The following ERICH6B variants were observed in gnomAD, a reference collection of about 807,000 sequenced individuals.
The protein encoded by ERICH6B is glutamate-rich protein 6B.
Under a neutral mutation model 80.0 loss-of-function variants are expected in ERICH6B, and 69 were observed. That is an observed-to-expected ratio of 0.86 (90% CI 0.71 to 1.05). The LOEUF (loss-of-function observed/expected upper bound fraction) is 1.05. ERICH6B is among the 50% of genes least tolerant of loss of function. The probability of loss-of-function intolerance (pLI) is 0.00; values close to 1 mark genes in which losing one functional copy is unlikely to be tolerated. For missense variants in ERICH6B, 754 were observed against 796.1 expected (o/e 0.95, Z 0.64); for synonymous variants, 283 against 291.9 (o/e 0.97, Z 0.31).
At position 45,563,719 on chromosome 13, in the gene ERICH6B, G is replaced by T; in HGVS notation, c.1249+8C>A. 3 of 1,551,940 alleles carry T rather than the reference G, an allele frequency of 1.9e-6. No individual in the cohort carries two copies. Among genetic ancestry groups the T allele is most frequent in the Non-Finnish European group, 2.6e-6 (3 of 1,146,812 alleles). ...GCACGTGGTGGAAAATGGTGGAGTG[G>T]TGCCTACCTTCACGTCTCCTCTTAA... On this transcript the variant is annotated splice_region_variant and intron_variant, in intron 10 of 14. Transcript: ENST00000298738.
intron 2 of ERICH6B, among the ~76,000 whole-genome samples, chr13:45,601,949 T>C (rs1438442791): frequency 6.6e-6 from 1 of 152,224 alleles, no homozygotes; most frequent in Non-Finnish European, 1.5e-5. Flanking sequence ...GGCACTGTTA[T>C]TATTGCACAC....
rs1036684614 is a variant in ERICH6B at position 45,563,547 on chromosome 13, G to A, written c.1249+180C>T. The A allele has an allele frequency of 3.8e-5, 25 of 650,744 alleles. No individual in the cohort carries two copies. The African/African-American group carries it at 4.2e-4, about 11-fold the overall frequency. 40.3% of individuals were successfully genotyped at this position (650,744 alleles called of 1,614,324 possible). On this transcript the variant is annotated intron_variant, in intron 10 of 14. Transcript: ENST00000298738. ...AAGAAAGAAACTCACTGGGGCCCTA[G>A]ACTGTGCCTGCCATGCTCGGTATTT...
intron 7 of ERICH6B, among the ~76,000 whole-genome samples, chr13:45,576,689 C>A (rs1875418740): frequency 6.6e-6 from 1 of 151,982 alleles, no homozygotes; most frequent in African/African-American, 2.4e-5. Context: ...AACTTCCCAT[C>A]ATTTGCGATT....
intron 9 of ERICH6B, 22 bp downstream of exon 9, chr13:45,568,293 C>G (rs1402528225): frequency 6.5e-7 from 1 of 1,527,048 alleles, no homozygotes; most frequent in African/African-American, 1.4e-5. Context: ...TGACCAATCA[C>G]TTGGCCTCAC....
At chr13:45,601,050 C>T (rs1188887673) in intron 2 of ERICH6B, among the ~76,000 whole-genome samples, 1 of 152,152 alleles carries the variant, frequency 6.6e-6, no homozygotes, top group African/African-American at 2.4e-5. Context: ...GCTGGTTTAG[C>T]CTGAATCTCC....
intron 8 of ERICH6B, among the ~76,000 whole-genome samples, chr13:45,568,909 C>A (rs1332178437): frequency 1.3e-5 from 2 of 152,056 alleles, no homozygotes; most frequent in African/African-American, 2.4e-5. Context: ...CAATTATCTT[C>A]TTTTTTCAAA....
chr13:45,596,249 T>C (rs1876362624), intron 3 of ERICH6B, 120 bp downstream of exon 3: 5 of 1,269,234 alleles, frequency 3.9e-6, no homozygotes, highest in African/African-American at 1.5e-5. Flanking sequence ...AGAGTTACCA[T>C]CCTTTGGGAT....
chr13:45,541,333 G>C lies in ERICH6B; in HGVS notation c.*129C>G. ...AAAAATGTTTACTTCAAATCAAGGA[G>C]CCACGACAGGTCCCAAATTACAAAC... On this transcript the variant is annotated 3_prime_UTR_variant, in exon 15 of 15. Transcript: ENST00000298738. 1 of 766,326 alleles carries C rather than the reference G, an allele frequency of 1.3e-6. No individual in the cohort carries two copies. Among genetic ancestry groups the C allele is most frequent in the South Asian group, 1.9e-5 (1 of 52,782 alleles). The allele number at this position is 766,326 out of a possible 1,614,324, so 47.5% of individuals were successfully genotyped here.
chr13:45,574,500 G>T (rs11620508), intron 8 of ERICH6B, among the ~76,000 whole-genome samples: 5,103 of 152,266 alleles, frequency 0.034, 160 homozygotes, highest in South Asian at 0.12. Context: ...TCTCTCTGCA[G>T]GGTGGTGGTG....
chr13:45,544,755 C>A lies in ERICH6B; in HGVS notation c.1872+5G>T. The A allele has an allele frequency of 1.3e-6, 2 of 1,551,546 alleles. No individual in the cohort carries two copies. The highest frequency in any genetic ancestry group is 1.2e-5 in the South Asian group (1 of 84,052). On this transcript the variant is annotated splice_donor_5th_base_variant and intron_variant, in intron 14 of 14. Coordinates refer to ENST00000298738, the MANE Select transcript of ERICH6B (RefSeq NM_182542.3). ...GGTGGAGGGTATGGGGAGTTGTGACCTTACCTTGTACCTGGTGCCCAGGTT... is the reference window on the plus strand; with the variant it reads ...GGTGGAGGGTATGGGGAGTTGTGACATTACCTTGTACCTGGTGCCCAGGTT...
chr13:45,544,734 G>A, intron 14 of ERICH6B, 26 bp downstream of exon 14: 1 of 1,542,762 alleles, frequency 6.5e-7, no homozygotes, highest in African/African-American at 1.4e-5. Flanking sequence ...CCACCTGGTG[G>A]AGGGTATGGG....
intron 9 of ERICH6B, among the ~76,000 whole-genome samples, chr13:45,564,023 C>G (rs1874810068): frequency 6.6e-6 from 1 of 152,192 alleles, no homozygotes; most frequent in Non-Finnish European, 1.5e-5. Flanking sequence ...CCAGGGCATA[C>G]AGCTGAACCC....
rs28621681 is a variant in ERICH6B, at chr13:45,596,789, A to C, written c.217T>G (p.Tyr73Asp). ...EEEEDLEEEE[Y>D]LGKEEYLKEE... ...TTCAAGTATTCTTCTTTCCCCAGAT[A>C]CTCTTCCTCTTCCAGATCCTCTTCC... The change falls in exon 3 of 15, where the codon TAT becomes GAT. Residue 73 changes from tyrosine (Y) to aspartate (D), a missense_variant. Coordinates refer to ENST00000298738, the MANE Select transcript of ERICH6B (RefSeq NM_182542.3). 7.2e-5 allele frequency: 112 copies of C among 1,550,560 alleles called. No homozygotes were observed. Among genetic ancestry groups the C allele is most frequent in the Non-Finnish European group, 9.3e-5 (107 of 1,146,692 alleles).
chr13:45,587,143 G>C lies in ERICH6B; in HGVS notation c.776C>G (p.Thr259Arg). 1 of 1,551,728 alleles carries C rather than the reference G, an allele frequency of 6.4e-7. No individual in the cohort carries two copies. Among genetic ancestry groups the C allele is most frequent in the Non-Finnish European group, 8.7e-7 (1 of 1,146,996 alleles). ...TGTCAGAAGCAACTCAGAAGACTCT[G>C]TGGCAGATTCAGAGACAGGAGAAGG... ...ATPSPVSESA[T>R]ESSELLLTLY... is the part of the protein sequence containing the mutation. Residue 259 changes from threonine to arginine, a missense_variant, in exon 5 of 15, where the codon ACA becomes AGA. Physicochemically the swap from Thr to Arg is moderately conservative, Grantham distance 71. Coordinates refer to ENST00000298738, the MANE Select transcript of ERICH6B (RefSeq NM_182542.3).
chr13:45,600,132 G>A (rs914519838), intron 2 of ERICH6B, among the ~76,000 whole-genome samples: 1 of 152,098 alleles, frequency 6.6e-6, no homozygotes, highest in African/African-American at 2.4e-5. Flanking sequence ...TTGTAAAGGA[G>A]GCCCCTTCAG....
intron 5 of ERICH6B, among the ~76,000 whole-genome samples, chr13:45,585,569 C>A (rs1449005689): frequency 3.3e-5 from 5 of 152,138 alleles, no homozygotes; most frequent in Admixed American, 6.5e-5. Flanking sequence ...ACCATCCCCC[C>A]ACCCCAAGTA....
In ERICH6B at chr13:45,596,913, T is replaced by C. The variant is rs1227711490; in HGVS notation, c.93A>G (p.Lys31=). 8 of 1,551,840 alleles carry C rather than the reference T, an allele frequency of 5.2e-6. No individual in the cohort carries two copies. In the South Asian group the frequency reaches 8.3e-5, roughly 16 times the overall value. ...QYSTQNLPSE[K]EDTEVELDEE... is the part of the protein sequence containing the mutation. ...CATCTAGTTCTACTTCAGTATCCTCTTTCTCTGAAGGCAAGTTCTGTGTGG... is the reference window on the plus strand; with the variant it reads ...CATCTAGTTCTACTTCAGTATCCTCCTTCTCTGAAGGCAAGTTCTGTGTGG... The change falls in exon 3 of 15, where the codon AAA becomes AAG. Residue 31 remains lysine (K), a synonymous_variant. Coordinates refer to ENST00000298738, the MANE Select transcript of ERICH6B (RefSeq NM_182542.3).
chr13:45,569,830 C>G (rs1875077884), intron 8 of ERICH6B, among the ~76,000 whole-genome samples: 3 of 152,184 alleles, frequency 2.0e-5, no homozygotes, highest in African/African-American at 7.2e-5. Flanking sequence ...CTGTCTGTCT[C>G]TATTTCTTGA....
intron 2 of ERICH6B, among the ~76,000 whole-genome samples, chr13:45,606,536 TA>T (rs1949865341): frequency 4.2e-3 from 70 of 16,752 alleles, no homozygotes; most frequent in Admixed American, 9.1e-3. Flanking sequence ...TATATATATA[TA>T]TATATATATA....
Sources: gnomAD v4.1 joint callset for allele counts (sites outside exome capture counted in the v4.1 genomes callset) on GRCh38, gnomAD v4.1.1 for gene constraint, MANE v1.5 for transcripts, NCBI Gene and HGNC (gene_info 2026-07-23, HGNC 2026-07-21) for gene names.